Variants in NLRC3 observed in about 807,000 individuals in gnomAD.
NLRC3 encodes the protein NLR family CARD domain-containing protein 3.
Under a neutral mutation model 91.6 loss-of-function variants are expected in NLRC3, and 87 were observed. That is an observed-to-expected ratio of 0.95 (90% CI 0.80 to 1.14). The LOEUF is 1.14. Among genes scored for constraint, NLRC3 ranks in the 50% most tolerant of loss-of-function variants. NLRC3 has a pLI of 0.00. For synonymous variants in NLRC3, 694 were observed against 625.3 expected, an observed-to-expected ratio of 1.11 and a Z score of -1.64; for missense variants, 1,577 against 1,418.6, an observed-to-expected ratio of 1.11 and a Z score of -1.79.
chr16:3,546,027 G>A (rs1237457865), intron 15 of NLRC3, among the ~76,000 whole-genome samples: 2 of 152,152 alleles, frequency 1.3e-5, no homozygotes, highest in African/African-American at 2.4e-5. Context: ...CTGGGCAGGG[G>A]CAGTGGACGC....
chr16:3,551,955 G>A (rs948933267), intron 10 of NLRC3, among the ~76,000 whole-genome samples: 15 of 126,710 alleles, frequency 1.2e-4, no homozygotes, highest in African/African-American at 1.8e-4. Flanking sequence ...CCATCCATCC[G>A]TCCACTCATC....
chr16:3,549,742 G>A lies in NLRC3; in HGVS notation c.2474C>T (p.Ala825Val). ...GTTGGTGCAGAGGGCCCCCATCAGT[G>A]CTGCCACTCCTGCGTCACTGATGGA... is the stretch of plus-strand genomic sequence containing the variant. The part of the protein sequence containing the change: ...SNSISDAGVA[A>V]LMGALCTNQT... The change falls in exon 12 of 20, where the codon GCA becomes GTA. Residue 825 changes from alanine (A) to valine (V), a missense_variant. Physicochemically the swap from Ala to Val is moderately conservative, Grantham distance 64. Coordinates refer to ENST00000359128, the MANE Select transcript of NLRC3 (RefSeq NM_178844.4). 6.4e-7 allele frequency: 1 copy of A among 1,551,260 alleles called. No homozygotes were observed. The highest frequency in any genetic ancestry group is 8.7e-7 in the Non-Finnish European group (1 of 1,146,868).
chr16:3,557,419 A>G (rs947552842), intron 7 of NLRC3, among the ~76,000 whole-genome samples, 174 bp downstream of exon 7: 2 of 152,152 alleles, frequency 1.3e-5, no homozygotes, highest in Non-Finnish European at 2.9e-5. Context: ...ACCTGCTCCA[A>G]ATGAAGTATG....
At chr16:3,553,211 A>T (rs2039104331) in intron 9 of NLRC3, among the ~76,000 whole-genome samples, 1 of 152,196 alleles carries the variant, frequency 6.6e-6, no homozygotes, top group Non-Finnish European at 1.5e-5. Flanking sequence ...TGAGGTTGCA[A>T]ATGCTGCCTC....
In NLRC3 at chr16:3,542,178, C is replaced by T. The variant is rs987656401; in HGVS notation, c.3107+13G>A. On this transcript the variant is annotated intron_variant, in intron 19 of 19. Coordinates refer to ENST00000359128, the MANE Select transcript of NLRC3 (RefSeq NM_178844.4). ...CAGTTCTAAGGGTGAGCAGGAAGGGCAGGTGCACTCACTTGATATGCTGGA... is the reference window on the plus strand; with the variant it reads ...CAGTTCTAAGGGTGAGCAGGAAGGGTAGGTGCACTCACTTGATATGCTGGA... 2 of 1,547,398 alleles carry T rather than the reference C, an allele frequency of 1.3e-6. No individual in the cohort carries two copies. The highest frequency in any genetic ancestry group is 1.2e-5 in the South Asian group (1 of 84,612).
intron 8 of NLRC3, chr16:3,555,927 T>A (rs1477528321): frequency 8.9e-6 from 1 of 112,260 alleles, no homozygotes; most frequent in Non-Finnish European, 1.9e-5. Flanking sequence ...CTAATAAAAA[T>A]AAATAAATAA....
intron 8 of NLRC3, among the ~76,000 whole-genome samples, 169 bp from the exon 9 acceptor site, chr16:3,554,494 G>T (rs1468759161): frequency 1.3e-5 from 2 of 152,236 alleles, no homozygotes. Flanking sequence ...CCACTGCCTG[G>T]GGCTTAGGTT....
At chr16:3,558,575 A>G (rs1375116955) in intron 6 of NLRC3, among the ~76,000 whole-genome samples, 1 of 138,316 alleles carries the variant, frequency 7.2e-6, no homozygotes, top group East Asian at 2.2e-4. Context: ...TTAAAATTAA[A>G]AAAAAACCAC....
intron 1 of NLRC3, among the ~76,000 whole-genome samples, chr16:3,574,137 C>T (rs2040198420): frequency 6.7e-6 from 1 of 149,384 alleles, no homozygotes. Flanking sequence ...ATTCTCCCGC[C>T]TCAGGGTCCT....
intron 2 of NLRC3, among the ~76,000 whole-genome samples, chr16:3,565,880 A>AT (rs2039861173): frequency 6.6e-6 from 1 of 151,490 alleles, no homozygotes; most frequent in Admixed American, 6.6e-5. Flanking sequence ...CATCTCTAAA[A>AT]TTTTTTAAAA....
chr16:3,575,890 A>G (rs2040271180), intron 1 of NLRC3, among the ~76,000 whole-genome samples: 1 of 151,978 alleles, frequency 6.6e-6, no homozygotes, highest in South Asian at 2.1e-4. Context: ...CTCTCTTCCC[A>G]CATCCTGCCC....
chr16:3,568,451 C>T (rs759881219), intron 1 of NLRC3, among the ~76,000 whole-genome samples: 1 of 152,172 alleles, frequency 6.6e-6, no homozygotes, highest in African/African-American at 2.4e-5. Flanking sequence ...GGGCTAGGCA[C>T]AGTGGCTCAT....
At position 3,541,814 on chromosome 16, in the gene NLRC3, G is replaced by T; in HGVS notation, c.*11C>A. On this transcript the variant is annotated 3_prime_UTR_variant, in exon 20 of 20. Transcript: ENST00000359128. ...GAGCATCTGCCCATTCTCCTGATCC[G>T]TCCACCAGGATCACATTTCAACAGT... 6.4e-7 allele frequency: 1 copy of T among 1,570,944 alleles called. No homozygotes were observed. Among genetic ancestry groups the T allele is most frequent in the Non-Finnish European group, 8.8e-7 (1 of 1,142,088 alleles).
In NLRC3 at chr16:3,554,238, T is replaced by C; in HGVS notation, c.2267+4A>G. ...AGGGGGAGAGAGGAGATGTGTTCAC[T>C]CACTGCAGCATGGAGAGGGTCCGGT... On this transcript the variant is annotated splice_donor_region_variant and intron_variant, in intron 9 of 19. Coordinates refer to ENST00000359128, the MANE Select transcript of NLRC3 (RefSeq NM_178844.4). 6.2e-7 allele frequency: 1 copy of C among 1,605,142 alleles called. No individual in the cohort carries two copies. Among genetic ancestry groups the C allele is most frequent in the Non-Finnish European group, 8.5e-7 (1 of 1,171,814 alleles).
In NLRC3 at chr16:3,561,731, A is replaced by G. The variant is rs1022929293; in HGVS notation, c.1986T>C (p.Ser662=). The part of the protein sequence containing the change: ...PVMELLGSVL[S]GKDCRIQKIS... ...TCTTCTGAATGCGACAGTCCTTCCC[A>G]CTCAGCACGCTGCCCAGCAGCTCCA... Residue 662 remains serine (S), a synonymous_variant, in exon 6 of 20, where the codon AGT becomes AGC. Transcript: ENST00000359128. 1 of 1,613,158 alleles carries G rather than the reference A, an allele frequency of 6.2e-7. No homozygotes were observed. Among genetic ancestry groups the G allele is most frequent in the African/African-American group, 1.3e-5 (1 of 74,830 alleles).
At chr16:3,560,717 T>A (rs1211805312) in intron 6 of NLRC3, among the ~76,000 whole-genome samples, 2 of 152,062 alleles carry the variant, frequency 1.3e-5, no homozygotes, top group Non-Finnish European at 2.9e-5. Flanking sequence ...TGGAGTGCAG[T>A]GGTGCGATCT....
chr16:3,549,103 C>G (rs1434554440), intron 13 of NLRC3, 39 bp downstream of exon 13: 1 of 1,438,934 alleles, frequency 6.9e-7, no homozygotes, highest in African/African-American at 1.4e-5. Context: ...GTGGTCATGG[C>G]ATGAACAGCC....
At chr16:3,551,305 CATCCATCCACTCATCCATTT>C (rs1355318036) in intron 10 of NLRC3, among the ~76,000 whole-genome samples, 5 of 151,754 alleles carry the variant, frequency 3.3e-5, no homozygotes, top group African/African-American at 9.7e-5. Context: ...CCCATCCATC[CATCCATCCACTCATCCATTT>C]ATCCATCCAC....
intron 16 of NLRC3, chr16:3,543,782 G>T: frequency 2.1e-6 from 1 of 475,718 alleles, no homozygotes; most frequent in Non-Finnish European, 3.8e-6. Context: ...TACTCTCTAG[G>T]TGTTTGAGCC....
Sources: gnomAD v4.1 joint callset for allele counts (sites outside exome capture counted in the v4.1 genomes callset) on GRCh38, gnomAD v4.1.1 for gene constraint, MANE v1.5 for transcripts, NCBI Gene and HGNC (gene_info 2026-07-23, HGNC 2026-07-21) for gene names.